Variants in RYR1 observed in about 807,000 individuals in gnomAD.
RYR1 encodes ryanodine receptor 1, also known as central core disease of muscle.
In RYR1, 342 loss-of-function variants were observed where a neutral mutation model predicts 583.5. The ratio of observed to expected loss-of-function variants is 0.59; its 90% CI spans 0.54 to 0.64. The LOEUF (loss-of-function observed/expected upper bound fraction) is 0.64, where lower values mean the gene tolerates loss of function less well. RYR1 is among the 30% of genes least tolerant of loss of function. The pLI is 0.00. For missense variants in RYR1, 6,032 were observed against 6,917.2 expected (o/e 0.87, Z 4.54); for synonymous variants, 2,791 against 2,822.5 (o/e 0.99, Z 0.35).
chr19:38,537,732 TCA>T (rs1376428612), intron 83 of RYR1, 146 bp from the exon 84 acceptor site: 6 of 795,938 alleles, frequency 7.5e-6, no homozygotes, highest in Non-Finnish European at 1.3e-5. Context: ...CCCATGGCCC[TCA>T]CAGTGTCTTT....
chr19:38,561,314 T>A lies in RYR1; in HGVS notation c.12484T>A (p.Phe4162Ile). 6.2e-7 allele frequency: 1 copy of A among 1,614,014 alleles called. No homozygotes were observed. The highest frequency in any genetic ancestry group is 8.5e-7 in the Non-Finnish European group (1 of 1,180,024). ...HVPHDPRLHN[F>I]LELAESILEY... ...GCCGCATGACCCTCGCCTGCACAAC[T>A]TCCTGGAGCTGGCCGAGAGCATCCT... Residue 4162 changes from phenylalanine to isoleucine, a missense_variant, in exon 90 of 106, where the codon TTC (phenylalanine) becomes ATC (isoleucine). Phe to Ile is a conservative substitution (Grantham distance 21). Around this residue, in one of 11 missense-constraint regions of RYR1, gnomAD observed 753 missense variants for 759.6 expected, o/e 0.99. Transcript: ENST00000359596. The surrounding 1 kb of genome is among the most constrained non-coding windows in gnomAD (Gnocchi z 4.8).
chr19:38,457,409 TCCTCCTGGCTTC>T, intron 16 of RYR1, 76 bp from the exon 17 acceptor site: 1 of 1,592,340 alleles, frequency 6.3e-7, no homozygotes, highest in Non-Finnish European at 8.6e-7. Context: ...CGCTGTCCTT[TCCTCCTGGCTTC>T]CCTCCCTCCC....
At chr19:38,562,629 C>T (rs946547116) in intron 90 of RYR1, among the ~76,000 whole-genome samples, 1 of 152,114 alleles carries the variant, frequency 6.6e-6, no homozygotes, top group African/African-American at 2.4e-5. Flanking sequence ...GTTCTGGGAG[C>T]CAGTACACAA....
At chr19:38,477,891 TGGGAGGTGCAGGGTGGGGA>T in intron 30 of RYR1, 21 bp downstream of exon 30, 1 of 528,614 alleles carries the variant, frequency 1.9e-6, no homozygotes, top group Non-Finnish European at 3.1e-6. Flanking sequence ...TGGGGGGAGG[TGGGAGGTGCAGGGTGGGGA>T]GGGCAGGAGG....
Position 38,500,292 on chromosome 19 carries a change from G to T in RYR1, c.7323+276G>T, listed in dbSNP as rs535944618. ...TCGGGGCTGGGATTGCAGGGCACAC[G>T]GAGAGGACTCAGGATGGGGATGGGG... is the stretch of plus-strand genomic sequence containing the variant. On this transcript the variant is annotated intron_variant, in intron 45 of 105. Coordinates refer to ENST00000359596, the MANE Select transcript of RYR1 (RefSeq NM_000540.3). This position sits in a 1 kb window ranked among gnomAD's most constrained non-coding sequence, Gnocchi z 5.9. Among the ~76,000 whole-genome samples the T allele has an allele frequency of 6.6e-6, 1 of 151,044 alleles. No individual in the cohort carries two copies. The highest frequency in any genetic ancestry group is 1.5e-5 in the Non-Finnish European group (1 of 67,714).
chr19:38,498,972 C>A, intron 42 of RYR1, 136 bp from the exon 43 acceptor site: 1 of 1,144,446 alleles, frequency 8.7e-7, no homozygotes, highest in Non-Finnish European at 1.2e-6. Context: ...CTGACAGGAC[C>A]AGGGCTAATG....
chr19:38,506,902 G>A lies in RYR1; in HGVS notation c.8766G>A (p.Lys2922=). 6.2e-7 allele frequency: 1 copy of A among 1,613,436 alleles called. No individual in the cohort carries two copies. The highest frequency in any genetic ancestry group is 8.5e-7 in the Non-Finnish European group (1 of 1,180,036). ...TAKEKARDRE[K]AQELLKFLQM... is the part of the protein sequence containing the mutation. ...AGGAGAAGGCACGAGATCGAGAGAAGGCCCAGGAGCTACTGAAATTCCTGC... is the reference window on the plus strand; with the variant it reads ...AGGAGAAGGCACGAGATCGAGAGAAAGCCCAGGAGCTACTGAAATTCCTGC... The change falls in exon 57 of 106, where the codon AAG becomes AAA. Residue 2922 remains lysine, a synonymous_variant. Transcript: ENST00000359596.
At position 38,443,596 on chromosome 19, in the gene RYR1, C is replaced by T; in HGVS notation, c.309C>T (p.Gly103=). The change falls in exon 4 of 106, where the codon GGC becomes GGT. Residue 103 remains glycine, a synonymous_variant. Coordinates refer to ENST00000359596, the MANE Select transcript of RYR1 (RefSeq NM_000540.3). ...GGGGACACAGGACGCTCCTGTATGG[C>T]CATGCCATCCTGCTCCGGCATGCAC... ...QGGGHRTLLY[G]HAILLRHAHS... 6.2e-7 allele frequency: 1 copy of T among 1,614,088 alleles called. No individual in the cohort carries two copies. Among genetic ancestry groups the T allele is most frequent in the Non-Finnish European group, 8.5e-7 (1 of 1,179,994 alleles).
At chr19:38,557,690 G>C (rs1022895536) in intron 89 of RYR1, among the ~76,000 whole-genome samples, 6 of 152,198 alleles carry the variant, frequency 3.9e-5, no homozygotes, top group Non-Finnish European at 8.8e-5. Flanking sequence ...TGAAGTCCCA[G>C]CTACTTGGGA....
At chr19:38,453,797 T>C (rs980561804) in intron 13 of RYR1, among the ~76,000 whole-genome samples, 4 of 151,716 alleles carry the variant, frequency 2.6e-5, no homozygotes, top group Non-Finnish European at 4.4e-5. Context: ...CAGGTGGTGA[T>C]TGGAGCAGGG....
At chr19:38,475,481 C>T (rs777863874) in intron 29 of RYR1, 31 bp downstream of exon 29, 5 of 1,611,904 alleles carry the variant, frequency 3.1e-6, no homozygotes, top group South Asian at 1.1e-5. Context: ...ATTTTGGGGT[C>T]CCCCCGCATA....
chr19:38,469,223 C>T, intron 26 of RYR1, 82 bp from the exon 27 acceptor site: 3 of 1,606,050 alleles, frequency 1.9e-6, no homozygotes, highest in South Asian at 1.1e-5. Flanking sequence ...GCCTCCAACT[C>T]TCCCATCCCT....
intron 33 of RYR1, among the ~76,000 whole-genome samples, chr19:38,485,101 A>T (rs1600768381): frequency 6.6e-6 from 1 of 152,310 alleles, no homozygotes; most frequent in Non-Finnish European, 1.5e-5. Flanking sequence ...TTACATTCTA[A>T]TGGCACTCAA....
chr19:38,464,127 C>T (rs773614232), intron 22 of RYR1, among the ~76,000 whole-genome samples: 5 of 151,462 alleles, frequency 3.3e-5, no homozygotes, highest in Non-Finnish European at 7.4e-5. Flanking sequence ...AAATACAAAA[C>T]TTAGCCGGGC....
chr19:38,567,934 G>C lies in RYR1; in HGVS notation c.13659+17G>C. The C allele has an allele frequency of 6.2e-7, 1 of 1,612,628 alleles. No individual in the cohort carries two copies. The highest frequency in any genetic ancestry group is 8.5e-7 in the Non-Finnish European group (1 of 1,179,786). ...AAGTTCCTGGTAAGGATCCAGCCAG[G>C]TCACCTGAACCTTCTTCTCCCCGGG... On this transcript the variant is annotated intron_variant, in intron 93 of 105. Coordinates refer to ENST00000359596, the MANE Select transcript of RYR1 (RefSeq NM_000540.3).
intron 9 of RYR1, among the ~76,000 whole-genome samples, chr19:38,447,464 C>T (rs542953553): frequency 1.3e-5 from 2 of 152,072 alleles, no homozygotes; most frequent in Non-Finnish European, 2.9e-5. Context: ...TCCCTTGAAC[C>T]CAGGAGGTGG....
Position 38,455,353 on chromosome 19 carries a change from T to C in RYR1, c.1559T>C (p.Leu520Pro), listed in dbSNP as rs1384515505. The change falls in exon 14 of 106, where the codon CTT becomes CCT. Residue 520 changes from leucine to proline, a missense_variant. Leu to Pro is a moderately conservative substitution (Grantham distance 98). Around this residue, in one of 11 missense-constraint regions of RYR1, gnomAD observed 2,627 missense variants for 2,961.3 expected, o/e 0.89. Transcript: ENST00000359596. Reference protein sequence around the residue: ...AAESWKEIVNLLYELLASLIR... With the variant: ...AAESWKEIVNPLYELLASLIR... Reference sequence around the variant, plus strand: ...GAGTCCTGGAAAGAGATTGTGAATCTTCTCTATGAACTCCTAGGTAGGGGT... The same window carrying C: ...GAGTCCTGGAAAGAGATTGTGAATCCTCTCTATGAACTCCTAGGTAGGGGT... 7.4e-6 allele frequency: 12 copies of C among 1,613,974 alleles called. No homozygotes were observed. The highest frequency in any genetic ancestry group is 1.0e-5 in the Non-Finnish European group (12 of 1,180,014).
intron 11 of RYR1, among the ~76,000 whole-genome samples, chr19:38,450,485 G>A (rs1967016157): frequency 6.6e-6 from 1 of 152,132 alleles, no homozygotes; most frequent in African/African-American, 2.4e-5. Flanking sequence ...GAGGTTAAGA[G>A]GGGACATTTA....
intron 20 of RYR1, among the ~76,000 whole-genome samples, chr19:38,461,001 A>G (rs1300646774): frequency 5.7e-4 from 86 of 151,926 alleles, no homozygotes; most frequent in Non-Finnish European, 2.9e-5. Flanking sequence ...AAAACAAAAC[A>G]AAAAACAAAA....
Sources: allele counts gnomAD v4.1 joint callset (sites outside exome capture counted in the v4.1 genomes callset), GRCh38; gene constraint gnomAD v4.1.1; regional missense constraint gnomAD v4.1.1; non-coding constraint Gnocchi (gnomAD v3.1); transcripts MANE v1.5; gene names NCBI Gene and HGNC (gene_info 2026-07-23, HGNC 2026-07-21).